The following GALNT2 variants were observed in gnomAD, a reference collection of about 807,000 sequenced individuals.
GALNT2 encodes the protein polypeptide N-acetylgalactosaminyltransferase 2, also known as UDP-GalNAc:polypeptide N-acetylgalactosaminyltransferase 2.
In GALNT2, 31 loss-of-function variants were observed where a neutral mutation model predicts 81.4. The ratio of observed to expected loss-of-function variants is 0.38; its 90% CI spans 0.29 to 0.51. The LOEUF (loss-of-function observed/expected upper bound fraction) is 0.51, where lower values mean the gene tolerates loss of function less well. Among genes scored for constraint, GALNT2 ranks in the 20% least tolerant of loss-of-function variants. The probability of loss-of-function intolerance (pLI) is 0.87; values close to 1 mark genes in which losing one functional copy is unlikely to be tolerated. For synonymous variants in GALNT2, 303 were observed against 287.4 expected (o/e 1.05, Z -0.55); for missense variants, 629 against 765.7 (o/e 0.82, Z 2.11).
chr1:230,179,558 T>A (rs895518796), intron 2 of GALNT2, among the ~76,000 whole-genome samples: 1 of 152,216 alleles, frequency 6.6e-6, no homozygotes, highest in African/African-American at 2.4e-5. Context: ...ACATATGATG[T>A]TGAGCATCTT....
At chr1:230,065,523 G>A (rs927558520), upstream of GALNT2, among the ~76,000 whole-genome samples, 3 of 152,078 alleles carry the variant, frequency 2.0e-5, no homozygotes, top group African/African-American at 7.2e-5. Flanking sequence ...TTTATTGTGG[G>A]GGTTTTCATC....
upstream of GALNT2, among the ~76,000 whole-genome samples, chr1:230,066,989 C>A (rs1237658953): frequency 6.7e-6 from 1 of 148,928 alleles, no homozygotes; most frequent in East Asian, 2.0e-4. Flanking sequence ...TCCCGCGGCC[C>A]GCGCCCCGGC....
intron 2 of GALNT2, among the ~76,000 whole-genome samples, chr1:230,196,742 C>T (rs61563010): frequency 0.17 from 26,456 of 152,028 alleles, 2,661 homozygotes; most frequent in African/African-American, 0.28. Flanking sequence ...AGGAGAAGTT[C>T]CGCATCTGAG....
chr1:230,146,100 A>G (rs1161610379), intron 1 of GALNT2, among the ~76,000 whole-genome samples: 1 of 152,228 alleles, frequency 6.6e-6, no homozygotes, highest in Non-Finnish European at 1.5e-5. Context: ...CTTGGCTAAA[A>G]ATAAGCACTT....
Position 230,257,020 on chromosome 1 carries a change from T to A in GALNT2, c.1136+1676T>A, listed in dbSNP as rs561636501. ...TGCAGGAGGAGCAGATCCAGGCTGC[T>A]GAGGTGCGTTTGGCATATCAGCCAA... On this transcript the variant is annotated intron_variant, in intron 11 of 15. Transcript: ENST00000366672. The surrounding 1 kb of genome is among the most constrained non-coding windows in gnomAD (Gnocchi z 4.6). Among the ~76,000 whole-genome samples, 8 of 152,268 alleles carry A rather than the reference T, an allele frequency of 5.3e-5. No homozygotes were observed. The East Asian group carries it at 1.5e-3, about 29-fold the overall frequency.
intron 6 of GALNT2, among the ~76,000 whole-genome samples, chr1:230,240,092 A>G (rs771336482): frequency 6.6e-6 from 1 of 152,352 alleles, no homozygotes; most frequent in Admixed American, 6.5e-5. Context: ...TGTTAAGCTT[A>G]TCCTCATATT....
chr1:230,207,808 T>C (rs1313180696), intron 3 of GALNT2, among the ~76,000 whole-genome samples: 1 of 152,208 alleles, frequency 6.6e-6, no homozygotes, highest in African/African-American at 2.4e-5. Flanking sequence ...CTCAAACTCC[T>C]GGCCTCAAGC....
chr1:230,133,751 G>A lies in GALNT2; in HGVS notation c.127-44467G>A, dbSNP rs116247239. ...ATTACAGGCATTAGCGCCACACCTG[G>A]CCTTAATTTTGATTTCTTTAGTTCC... On this transcript the variant is annotated intron_variant, in intron 1 of 15. Coordinates refer to ENST00000366672, the MANE Select transcript of GALNT2 (RefSeq NM_004481.5). Among the ~76,000 whole-genome samples, 495 of 152,222 alleles carry A rather than the reference G, an allele frequency of 3.3e-3. 1 individual carries two copies. The highest frequency in any genetic ancestry group is 4.7e-3 in the Non-Finnish European group (319 of 68,002).
At chr1:230,255,837 AT>A (rs772738462) in intron 11 of GALNT2, among the ~76,000 whole-genome samples, 26 of 152,372 alleles carry the variant, frequency 1.7e-4, no homozygotes, top group South Asian at 1.0e-3. Context: ...TTTTATAACC[AT>A]TCAAGGTGCA....
chr1:230,196,114 G>C (rs939967325), intron 2 of GALNT2, among the ~76,000 whole-genome samples: 1 of 152,226 alleles, frequency 6.6e-6, no homozygotes, highest in Non-Finnish European at 1.5e-5. Context: ...GGGGAGTAAG[G>C]TTCAAGTACT....
At chr1:230,203,430 G>T in intron 3 of GALNT2, 140 bp downstream of exon 3, 1 of 1,003,028 alleles carries the variant, frequency 1.0e-6, no homozygotes, top group Non-Finnish European at 1.5e-6. Context: ...AAATCCTGAG[G>T]TATATGGCAA....
intron 6 of GALNT2, among the ~76,000 whole-genome samples, chr1:230,242,027 T>A (rs1665217054): frequency 6.6e-6 from 1 of 152,210 alleles, no homozygotes; most frequent in Non-Finnish European, 1.5e-5. Flanking sequence ...GGGTCCTACC[T>A]CCTTTCCAGG....
At chr1:230,085,935 A>G (rs1220757615) in intron 1 of GALNT2, among the ~76,000 whole-genome samples, 2 of 152,182 alleles carry the variant, frequency 1.3e-5, no homozygotes, top group African/African-American at 2.4e-5. Flanking sequence ...AACCCGAGGC[A>G]ATACCTGGAG....
intron 1 of GALNT2, among the ~76,000 whole-genome samples, chr1:230,078,267 T>G (rs1378620794): frequency 6.6e-6 from 1 of 152,164 alleles, no homozygotes; most frequent in Non-Finnish European, 1.5e-5. Flanking sequence ...GTGGATACAA[T>G]GTGTCGTATT....
chr1:230,270,539 C>G (rs540572804), intron 14 of GALNT2, among the ~76,000 whole-genome samples: 9 of 152,306 alleles, frequency 5.9e-5, no homozygotes, highest in African/African-American at 2.2e-4. Flanking sequence ...TGCAAATGGC[C>G]CTGGGTGCCC....
At chr1:230,115,758 A>G (rs1660825774) in intron 1 of GALNT2, among the ~76,000 whole-genome samples, 1 of 152,220 alleles carries the variant, frequency 6.6e-6, no homozygotes, top group Admixed American at 6.5e-5. Context: ...TGCCCACAGT[A>G]GGACTTCTTT....
At chr1:230,081,925 TAGTG>T (rs1659745458) in intron 1 of GALNT2, among the ~76,000 whole-genome samples, 1 of 152,134 alleles carries the variant, frequency 6.6e-6, no homozygotes, top group Non-Finnish European at 1.5e-5. Context: ...AAAAGAGAGT[TAGTG>T]AGTTGATGAA....
At chr1:230,252,772 G>GC (rs2102750626) in intron 10 of GALNT2, among the ~76,000 whole-genome samples, 1 of 150,804 alleles carries the variant, frequency 6.6e-6, no homozygotes, top group Non-Finnish European at 1.5e-5. Flanking sequence ...GGATTTCCTA[G>GC]CCCCTAATTC....
At chr1:230,251,366 A>T (rs540018204) in intron 10 of GALNT2, among the ~76,000 whole-genome samples, 23 of 152,306 alleles carry the variant, frequency 1.5e-4, no homozygotes, top group Admixed American at 5.9e-4. Flanking sequence ...ACTCATTTTT[A>T]ATAGTTTTGA....
Sources: allele counts gnomAD v4.1 joint callset (sites outside exome capture counted in the v4.1 genomes callset), GRCh38; gene constraint gnomAD v4.1.1; non-coding constraint Gnocchi (gnomAD v3.1); transcripts MANE v1.5; gene names NCBI Gene and HGNC (gene_info 2026-07-23, HGNC 2026-07-21).